The following CC2D2A variants were observed in gnomAD, a reference collection of about 807,000 sequenced individuals.
CC2D2A encodes the protein coiled-coil and C2 domain containing 2A.
A neutral mutation model predicts 212.9 loss-of-function variants in CC2D2A; 155 were observed. The observed-to-expected ratio is 0.73, with a 90% CI of 0.64 to 0.83. The LOEUF (loss-of-function observed/expected upper bound fraction) is 0.83. Among genes scored for constraint, CC2D2A ranks in the 40% least tolerant of loss-of-function variants. The pLI is 0.00. For missense variants in CC2D2A, 1,856 were observed against 1,956.2 expected (o/e 0.95, Z 0.97); for synonymous variants, 667 against 686.5 (o/e 0.97, Z 0.44).
chr4:15,478,442 T>C (rs925477907), intron 2 of CC2D2A, among the ~76,000 whole-genome samples: 1 of 152,222 alleles, frequency 6.6e-6, no homozygotes, highest in Non-Finnish European at 1.5e-5. Flanking sequence ...ACATAGTAAA[T>C]GCTCAATAAA....
At chr4:15,567,084 A>C (rs550551953) in intron 24 of CC2D2A, among the ~76,000 whole-genome samples, 1 of 152,204 alleles carries the variant, frequency 6.6e-6, no homozygotes, top group East Asian at 1.9e-4. Flanking sequence ...GAAGTTTGAG[A>C]CCAGCCTTAG....
chr4:15,595,626 C>T (rs1404089881), intron 33 of CC2D2A, among the ~76,000 whole-genome samples: 1 of 152,200 alleles, frequency 6.6e-6, no homozygotes, highest in Non-Finnish European at 1.5e-5. Flanking sequence ...AAAATTAAAA[C>T]ACAAGTGGTC....
intron 1 of CC2D2A, among the ~76,000 whole-genome samples, chr4:15,471,733 A>G (rs1367710003): frequency 6.6e-6 from 1 of 151,990 alleles, no homozygotes; most frequent in Non-Finnish European, 1.5e-5. Flanking sequence ...ATTCCTTGGC[A>G]AAGAAATATG....
intron 4 of CC2D2A, among the ~76,000 whole-genome samples, chr4:15,482,606 G>A (rs1394806392): frequency 1.3e-5 from 2 of 152,070 alleles, no homozygotes; most frequent in Non-Finnish European, 2.9e-5. Flanking sequence ...CCTTATGATC[G>A]CATTTGACCT....
At chr4:15,563,597 T>G (rs1719724822) in intron 24 of CC2D2A, 75 bp downstream of exon 24, 2 of 1,452,236 alleles carry the variant, frequency 1.4e-6, no homozygotes, top group Admixed American at 3.9e-5. Flanking sequence ...TACAGCATAC[T>G]CACTCTCATT....
At chr4:15,547,471 C>G (rs1485658392) in intron 17 of CC2D2A, among the ~76,000 whole-genome samples, 1 of 152,148 alleles carries the variant, frequency 6.6e-6, no homozygotes, top group African/African-American at 2.4e-5. Flanking sequence ...TACCTCCTCC[C>G]TTCTCAGCCT....
intron 2 of CC2D2A, among the ~76,000 whole-genome samples, chr4:15,477,768 C>T (rs1367789947): frequency 1.3e-5 from 2 of 152,190 alleles, no homozygotes; most frequent in Admixed American, 1.3e-4. Flanking sequence ...GCTATTCTCT[C>T]GTTCGACCTC....
intron 4 of CC2D2A, among the ~76,000 whole-genome samples, chr4:15,495,897 TA>T (rs1337677176): frequency 2.0e-5 from 3 of 152,198 alleles, no homozygotes; most frequent in African/African-American, 7.2e-5. Context: ...CAGCATCTGT[TA>T]TTTTTTGACA....
At chr4:15,601,207 C>T in intron 36 of CC2D2A, 30 bp from the exon 37 acceptor site, 2 of 1,561,562 alleles carry the variant, frequency 1.3e-6, no homozygotes, top group East Asian at 4.5e-5. Context: ...TCAAACTTCA[C>T]TAATGACTAC....
At chr4:15,559,296 A>T in intron 22 of CC2D2A, 39 bp downstream of exon 22, 5 of 1,313,192 alleles carry the variant, frequency 3.8e-6, no homozygotes, top group Non-Finnish European at 5.3e-6. Context: ...ATAGGGAGAA[A>T]AGAGCCAGCA....
chr4:15,516,929 C>A (rs1716908106), intron 11 of CC2D2A, among the ~76,000 whole-genome samples, 173 bp downstream of exon 11: 2 of 149,478 alleles, frequency 1.3e-5, no homozygotes, highest in Non-Finnish European at 1.5e-5. Context: ...TCTAATTATA[C>A]TCAATGCATC....
chr4:15,538,867 A>G (rs1125378), intron 16 of CC2D2A, among the ~76,000 whole-genome samples: 113,706 of 151,958 alleles, frequency 0.75, 42,616 homozygotes, highest in East Asian at 0.8. Context: ...GTATAGCCCC[A>G]GAATCAGCAG....
intron 7 of CC2D2A, 55 bp from the exon 8 acceptor site, chr4:15,511,192 G>A: frequency 6.6e-7 from 1 of 1,511,470 alleles, no homozygotes; most frequent in Non-Finnish European, 8.9e-7. Context: ...TAATTGTGCA[G>A]AGCGCATTAC....
chr4:15,514,043 C>T (rs922429717), intron 8 of CC2D2A, among the ~76,000 whole-genome samples: 3 of 152,120 alleles, frequency 2.0e-5, no homozygotes, highest in African/African-American at 7.2e-5. Context: ...GAAGAGAAGA[C>T]GTTTAGAAAA....
At chr4:15,508,100 C>G (rs1490320175) in intron 6 of CC2D2A, among the ~76,000 whole-genome samples, 1 of 152,126 alleles carries the variant, frequency 6.6e-6, no homozygotes, top group African/African-American at 2.4e-5. Flanking sequence ...TTTCTGAGCC[C>G]CTCCAACCAC....
At chr4:15,509,529 C>G (rs1285228699) in intron 6 of CC2D2A, among the ~76,000 whole-genome samples, 1 of 152,216 alleles carries the variant, frequency 6.6e-6, no homozygotes, top group Non-Finnish European at 1.5e-5. Flanking sequence ...CCACCTCGGC[C>G]TCCCAAAGTG....
At chr4:15,591,312 C>T (rs1420181500) in intron 33 of CC2D2A, among the ~76,000 whole-genome samples, 4 of 150,336 alleles carry the variant, frequency 2.7e-5, no homozygotes, top group South Asian at 2.1e-4. Context: ...CTCCGTCTCT[C>T]GGGTTCAAGC....
intron 11 of CC2D2A, among the ~76,000 whole-genome samples, chr4:15,526,343 T>C (rs1433019520): frequency 2.0e-5 from 3 of 152,160 alleles, no homozygotes; most frequent in East Asian, 1.9e-4. Context: ...GGCCCAGAGA[T>C]GTATAGTGAC....
In CC2D2A at chr4:15,562,835, C is replaced by A. The variant is rs144931689; in HGVS notation, c.3015-520C>A. Among the ~76,000 whole-genome samples, 382 of 152,354 alleles carry A rather than the reference C, an allele frequency of 2.5e-3. 3 individuals carry two copies. Among genetic ancestry groups the A allele is most frequent in the African/African-American group, 8.8e-3 (367 of 41,588 alleles). ...AGAGATAACCCAGGAACTGCCTAAG[C>A]AGCTGTACACACCCACTGTCATGTG... On this transcript the variant is annotated intron_variant, in intron 23 of 36. Coordinates refer to ENST00000424120, the MANE Select transcript of CC2D2A (RefSeq NM_001378615.1).
Sources: gnomAD v4.1 joint callset for allele counts (sites outside exome capture counted in the v4.1 genomes callset) on GRCh38, gnomAD v4.1.1 for gene constraint, MANE v1.5 for transcripts, NCBI Gene and HGNC (gene_info 2026-07-23, HGNC 2026-07-21) for gene names.